PRPF3: variants seen among roughly 807,000 people sequenced by gnomAD.
PRPF3 encodes the protein U4/U6 small nuclear ribonucleoprotein Prp3.
In PRPF3, 3 loss-of-function variants were observed where a neutral mutation model predicts 89.2. The ratio of observed to expected loss-of-function variants is 0.03; its 90% confidence interval spans 0.02 to 0.09. The LOEUF (loss-of-function observed/expected upper bound fraction) is 0.09. Among genes scored for constraint, PRPF3 ranks in the 10% least tolerant of loss-of-function variants. PRPF3 has a pLI of 1.00. For synonymous variants in PRPF3, 270 were observed against 289.1 expected, an observed-to-expected ratio of 0.93 and a Z score of 0.67; for missense variants, 463 against 828.8, an observed-to-expected ratio of 0.56 and a Z score of 5.42.
rs1201915164 is a variant in PRPF3, at chr1:150,322,969, T to G, written c.-49+1377T>G. Among the ~76,000 whole-genome samples, 4 of 150,444 alleles carry G rather than the reference T, an allele frequency of 2.7e-5. No individual in the cohort carries two copies. In the Admixed American group the frequency reaches 2.7e-4, roughly 10 times the overall value. ...GGCTCACTGCAACCTCCGCCTTCCA[T>G]GTTCAAGGGATTCTCCTGTCTCAGC... On this transcript the variant is annotated intron_variant, in intron 1 of 15. Transcript: ENST00000324862.
rs1322053114 is a variant in PRPF3, at chr1:150,353,222, G to GT, written c.*244dup. ...TTGGTGTGATATTTTTCACACATTC[G>GT]TAAGTATTAGAGTTTGGGTCTACAG... On this transcript the variant is annotated 3_prime_UTR_variant, in exon 16 of 16. Coordinates refer to ENST00000324862, the MANE Select transcript of PRPF3 (RefSeq NM_004698.4). 3.8e-5 allele frequency: 20 copies of GT among 522,782 alleles called. No homozygotes were observed. In the East Asian group the frequency reaches 5.0e-4, roughly 13 times the overall value. 32.4% of individuals were successfully genotyped at this position (522,782 alleles called of 1,614,324 possible).
Position 150,351,667 on chromosome 1 carries a change from ATT to A in PRPF3, c.1906-1141_1906-1140del, listed in dbSNP as rs10692607. On this transcript the variant is annotated intron_variant, in intron 15 of 15. Transcript: ENST00000324862. Reference sequence around the variant, plus strand: ...AGGTCCACACCACTGTGCCTGGCTAATTTTTTTTTTTTTTTTTTTTTTTTTTA... The same window carrying A: ...AGGTCCACACCACTGTGCCTGGCTAATTTTTTTTTTTTTTTTTTTTTTTTA... 2.4e-4 allele frequency among the ~76,000 whole-genome samples: 23 copies of A among 94,454 alleles called. No individual in the cohort carries two copies. The South Asian group carries it at 3.1e-3, about 13-fold the overall frequency. 62.0% of individuals were successfully genotyped at this position (94,454 alleles called of 152,430 possible).
At chr1:150,330,698 C>T (rs1656254903) in intron 4 of PRPF3, among the ~76,000 whole-genome samples, 1 of 144,594 alleles carries the variant, frequency 6.9e-6, no homozygotes, top group Non-Finnish European at 1.5e-5. Context: ...GTATTCACAA[C>T]ATATCCTTTT....
chr1:150,347,017 G>A (rs1165453579), intron 14 of PRPF3, among the ~76,000 whole-genome samples: 1 of 152,102 alleles, frequency 6.6e-6, no homozygotes, highest in Non-Finnish European at 1.5e-5. Flanking sequence ...CTTGAGCTTG[G>A]GGAGGTCGAG....
chr1:150,325,669 A>G, intron 2 of PRPF3, 82 bp from the exon 3 acceptor site: 1 of 1,539,254 alleles, frequency 6.5e-7, no homozygotes, highest in East Asian at 2.3e-5. Context: ...ATAAAATTCC[A>G]GTGTTGGTAC....
At chr1:150,346,528 A>G (rs1191521031) in intron 14 of PRPF3, 37 bp downstream of exon 14, 5 of 1,561,074 alleles carry the variant, frequency 3.2e-6, no homozygotes, top group African/African-American at 2.7e-5. Context: ...GGGGAGAGCT[A>G]TGGGAGGTGG....
At chr1:150,348,251 G>T (rs1260311374) in intron 14 of PRPF3, among the ~76,000 whole-genome samples, 3 of 151,272 alleles carry the variant, frequency 2.0e-5, no homozygotes, top group Admixed American at 2.0e-4. Context: ...GTGGCAGCGT[G>T]CGCCTGTAAT....
chr1:150,321,783 G>A (rs1354588690), intron 1 of PRPF3, among the ~76,000 whole-genome samples, 191 bp downstream of exon 1: 1 of 152,032 alleles, frequency 6.6e-6, no homozygotes, highest in South Asian at 2.1e-4. Context: ...GAAGGAGACC[G>A]GGTTGGGAGA....
At chr1:150,339,737 GTTTTTTTTTTTTT>G (rs71578484) in intron 8 of PRPF3, among the ~76,000 whole-genome samples, 3 of 110,290 alleles carry the variant, frequency 2.7e-5, no homozygotes, top group South Asian at 5.7e-4. Context: ...CACGCCTGGC[GTTTTTTTTTTTTT>G]TTTTTTTTTT....
rs1553873583 is a variant in PRPF3, at chr1:150,348,459, C to CTTTTTTTTTTTTTTTTTTTTT, written c.1844-698_1844-697insTTTTTTTTTTTTTTTTTTTTT. On this transcript the variant is annotated intron_variant, in intron 14 of 15. Coordinates refer to ENST00000324862, the MANE Select transcript of PRPF3 (RefSeq NM_004698.4). ...TAAAAAATATTTTGTTCTACACGTG[C>CTTTTTTTTTTTTTTTTTTTTT]ATTTTTTTTTTTTTTTTTTTGAGAT... 1.1e-3 allele frequency among the ~76,000 whole-genome samples: 37 copies of CTTTTTTTTTTTTTTTTTTTTT among 34,830 alleles called. 3 individuals are homozygous for CTTTTTTTTTTTTTTTTTTTTT. Among genetic ancestry groups the CTTTTTTTTTTTTTTTTTTTTT allele is most frequent in the African/African-American group, 2.9e-3 (31 of 10,616 alleles). The allele number at this position is 34,830 out of a possible 152,430, so 22.8% of individuals were successfully genotyped here.
chr1:150,332,018 A>G (rs1284778924), intron 4 of PRPF3, among the ~76,000 whole-genome samples: 2 of 151,920 alleles, frequency 1.3e-5, no homozygotes, highest in African/African-American at 4.8e-5. Flanking sequence ...AGGTCAGGAG[A>G]TCGAGACCAT....
chr1:150,350,324 C>T (rs587674497), intron 15 of PRPF3, among the ~76,000 whole-genome samples: 1 of 152,144 alleles, frequency 6.6e-6, no homozygotes, highest in African/African-American at 2.4e-5. Context: ...GCCTCGGCCT[C>T]CCGAGTAGCT....
At position 150,340,429 on chromosome 1, in the gene PRPF3, T is replaced by C; in HGVS notation, c.1234T>C (p.Phe412Leu). ...GGAAAATCCCAAGAGAGAAGATTAT[T>C]TTGGAATCACAAATCTTGTTGAACA... ...TEENPKREDY[F>L]GITNLVEHPA... Residue 412 changes from phenylalanine to leucine, a missense_variant, in exon 9 of 16, where the codon TTT becomes CTT. Phe to Leu is a conservative substitution (Grantham distance 22). Coordinates refer to ENST00000324862, the MANE Select transcript of PRPF3 (RefSeq NM_004698.4). The C allele has an allele frequency of 6.2e-7, 1 of 1,607,080 alleles. No individual in the cohort carries two copies. The highest frequency in any genetic ancestry group is 2.2e-5 in the East Asian group (1 of 44,834).
chr1:150,342,455 C>T (rs957277406), intron 9 of PRPF3, among the ~76,000 whole-genome samples: 8 of 152,128 alleles, frequency 5.3e-5, no homozygotes, highest in Non-Finnish European at 1.2e-4. Flanking sequence ...TGATTTTAAT[C>T]TTACTGATCC....
At chr1:150,328,643 C>A (rs1255411778) in intron 4 of PRPF3, among the ~76,000 whole-genome samples, 177 bp downstream of exon 4, 5 of 150,198 alleles carry the variant, frequency 3.3e-5, no homozygotes, top group African/African-American at 1.2e-4. Context: ...ACCTCCGCCT[C>A]CCGGGTTCAA....
chr1:150,353,067 T>C lies in PRPF3; in HGVS notation c.*88T>C, dbSNP rs1553874807. 2 of 1,551,676 alleles carry C rather than the reference T, an allele frequency of 1.3e-6. No homozygotes were observed. The highest frequency in any genetic ancestry group is 1.7e-5 in the Admixed American group (1 of 59,858). ...TATTTCCCAACCCCCTCCCACTTGT[T>C]TGTGTGATCTCAGAACTGTGCCAAG... On this transcript the variant is annotated 3_prime_UTR_variant, in exon 16 of 16. Transcript: ENST00000324862.
At chr1:150,343,603 C>G in intron 10 of PRPF3, 151 bp downstream of exon 10, 1 of 1,115,424 alleles carries the variant, frequency 9.0e-7, no homozygotes, top group Non-Finnish European at 1.3e-6. Context: ...ACCATCTTTT[C>G]ATATTAAGAT....
At chr1:150,321,634 G>T (rs1438656969) in intron 1 of PRPF3, 42 bp downstream of exon 1, 1 of 152,664 alleles carries the variant, frequency 6.6e-6, no homozygotes, top group Non-Finnish European at 1.5e-5. Flanking sequence ...ATTCCAGTCC[G>T]CGCCACTGTG....
chr1:150,338,300 T>C lies in PRPF3; in HGVS notation c.1176T>C (p.Ser392=). ...GDIPEIEWWD[S]YIIPNGFDLT... ...TTCCTGAAATTGAGTGGTGGGACTC[T>C]TACATAATCCCCAATGGCTTTGATC... The change falls in exon 8 of 16, where the codon TCT becomes TCC. Residue 392 remains serine (S), a synonymous_variant. Transcript: ENST00000324862. 1.9e-6 allele frequency: 3 copies of C among 1,614,074 alleles called. No homozygotes were observed. Among genetic ancestry groups the C allele is most frequent in the Admixed American group, 1.7e-5 (1 of 60,004 alleles).
Sources: gnomAD v4.1 joint callset for allele counts (sites outside exome capture counted in the v4.1 genomes callset) on GRCh38, gnomAD v4.1.1 for gene constraint, MANE v1.5 for transcripts, NCBI Gene and HGNC (gene_info 2026-07-23, HGNC 2026-07-21) for gene names.